Variants in ACTA2 observed in about 807,000 individuals in gnomAD.
The protein encoded by ACTA2 is actin, aortic smooth muscle.
Under a neutral mutation model 39.5 loss-of-function variants are expected in ACTA2, and 12 were observed. The ratio of observed to expected loss-of-function variants is 0.30; its 90% CI spans 0.19 to 0.49. The LOEUF (loss-of-function observed/expected upper bound fraction) is 0.49. ACTA2 is among the 20% of genes least tolerant of loss of function. The pLI is 0.99. For synonymous variants in ACTA2, 158 were observed against 180.6 expected (o/e 0.88, Z 1.00); for missense variants, 236 against 498.8 (o/e 0.47, Z 5.02).
chr10:88,966,213 G>A (rs1214874995), intron 1 of ACTA2, among the ~76,000 whole-genome samples: 2 of 152,188 alleles, frequency 1.3e-5, no homozygotes, highest in Non-Finnish European at 2.9e-5. Flanking sequence ...CAAAAATACA[G>A]AAGAATAGTA....
intron 1 of ACTA2, chr10:88,973,205 A>G: frequency 1.2e-6 from 2 of 1,612,404 alleles, no homozygotes; most frequent in Non-Finnish European, 1.7e-6. Context: ...TTTCTGGGAT[A>G]ATTTCTGGCA....
In ACTA2 at chr10:88,943,923, AC is replaced by A. The variant is rs757055278; in HGVS notation, c.259-17del. The A allele has an allele frequency of 1.9e-5, 31 of 1,608,096 alleles. 1 individual carries two copies. The Admixed American group carries it at 5.0e-4, about 26-fold the overall frequency. ...GGTGCCAGATCTAGTGAGTTGGGGG[AC>A]AGAGGAGAAACACAATGATGTGCTG... On this transcript the variant is annotated splice_polypyrimidine_tract_variant and intron_variant, in intron 3 of 8. Coordinates refer to ENST00000224784, the MANE Select transcript of ACTA2 (RefSeq NM_001613.4).
chr10:88,938,263 A>G, intron 7 of ACTA2, 21 bp from the exon 8 acceptor site: 2 of 1,613,872 alleles, frequency 1.2e-6, no homozygotes, highest in Non-Finnish European at 1.7e-6. Context: ...GACACAGGCC[A>G]TGGTCCTTAA....
At chr10:88,947,861 T>C (rs925324489) in intron 2 of ACTA2, among the ~76,000 whole-genome samples, 2 of 152,234 alleles carry the variant, frequency 1.3e-5, no homozygotes, top group African/African-American at 4.8e-5. Flanking sequence ...TTTCTAACTA[T>C]TATAAGCAAA....
chr10:88,972,197 A>C (rs1469280760), intron 1 of ACTA2, among the ~76,000 whole-genome samples: 1 of 152,132 alleles, frequency 6.6e-6, no homozygotes, highest in African/African-American at 2.4e-5. Context: ...ATGAGCCACC[A>C]CGCCCAGCCA....
intron 1 of ACTA2, among the ~76,000 whole-genome samples, chr10:88,979,867 ACATGTGTAAAG>A (rs1198193293): frequency 6.6e-6 from 1 of 152,226 alleles, no homozygotes; most frequent in Non-Finnish European, 1.5e-5. Context: ...ACCTCCTCAC[ACATGTGTAAAG>A]CACCTACAAA....
At chr10:88,942,698 C>A (rs538827852) in intron 4 of ACTA2, among the ~76,000 whole-genome samples, 5 of 152,118 alleles carry the variant, frequency 3.3e-5, no homozygotes, top group Non-Finnish European at 7.4e-5. Context: ...ACTCTATTAA[C>A]CAGAATGTCT....
chr10:88,939,083 A>T (rs1042781444), intron 7 of ACTA2, among the ~76,000 whole-genome samples: 1 of 152,174 alleles, frequency 6.6e-6, no homozygotes, highest in African/African-American at 2.4e-5. Flanking sequence ...CCCCTCTCAG[A>T]GCCTGCCTCT....
rs1845850160 is a variant in ACTA2, at chr10:88,941,434, T to C, written c.455-44A>G. On this transcript the variant is annotated intron_variant, in intron 5 of 8. Coordinates refer to ENST00000224784, the MANE Select transcript of ACTA2 (RefSeq NM_001613.4). ...TGATAAGTCACCATGGCAGCTGGCA[T>C]GTGGTTACTTGCTGGACAAGTAGAG... 3 of 1,612,552 alleles carry C rather than the reference T, an allele frequency of 1.9e-6. No homozygotes were observed. In the Middle Eastern group the frequency reaches 5.0e-4, roughly 267 times the overall value.
chr10:88,979,272 A>T (rs1846651355), intron 1 of ACTA2, among the ~76,000 whole-genome samples: 1 of 152,070 alleles, frequency 6.6e-6, no homozygotes, highest in African/African-American at 2.4e-5. Flanking sequence ...AGCAGAAAAA[A>T]AAAAATGAGG....
Position 88,935,383 on chromosome 10 carries a change from A to G in ACTA2, c.991-17T>C, listed in dbSNP as rs750349531. 1 of 1,613,412 alleles carries G rather than the reference A, an allele frequency of 6.2e-7. No individual in the cohort carries two copies. Among genetic ancestry groups the G allele is most frequent in the South Asian group, 1.1e-5 (1 of 91,080 alleles). On this transcript the variant is annotated splice_polypyrimidine_tract_variant and intron_variant, in intron 8 of 8. Transcript: ENST00000224784. Reference sequence around the variant, plus strand: ...GGCAATGATCTGTCAGTCAAGATGAAAAAGAATGGTCATTAATGTCATCAT... The same window carrying G: ...GGCAATGATCTGTCAGTCAAGATGAGAAAGAATGGTCATTAATGTCATCAT...
rs568058522 is a variant in ACTA2, at chr10:88,967,533, A to G, written c.-23-18580T>C. On this transcript the variant is annotated intron_variant, in intron 1 of 4. Transcript: ENST00000415557. ...TTCCTCAGCACTAACCCATGCTTAC[A>G]TGCATTTTATGACAATCCACGTTAC... is the stretch of plus-strand genomic sequence containing the variant. Among the ~76,000 whole-genome samples, 7 of 152,346 alleles carry G rather than the reference A, an allele frequency of 4.6e-5. No homozygotes were observed. The South Asian group carries it at 1.0e-3, about 23-fold the overall frequency.
Position 88,948,701 on chromosome 10 carries a change from C to T in ACTA2, c.129+101G>A, listed in dbSNP as rs562329227. 598 of 1,538,816 alleles carry T rather than the reference C, an allele frequency of 3.9e-4. 1 individual carries two copies. The highest frequency in any genetic ancestry group is 1.9e-3 in the Middle Eastern group (10 of 5,366). ...TAGAGGTCTATTTGTAACAAGGTTA[C>T]ATAACTTCTGGGCAGAAAGAGATAG... On this transcript the variant is annotated intron_variant, in intron 2 of 8. Coordinates refer to ENST00000224784, the MANE Select transcript of ACTA2 (RefSeq NM_001613.4).
At position 88,962,256 on chromosome 10, in the gene ACTA2, A is replaced by T. The variant is rs552122553; in HGVS notation, c.-23-13303T>A. 8.3e-4 allele frequency among the ~76,000 whole-genome samples: 126 copies of T among 152,330 alleles called. 2 individuals are homozygous for T. In the Middle Eastern group the frequency reaches 0.024, roughly 29 times the overall value. ...ATGATGGCAATTAACTAACATTTTT[A>T]AAAAAGGACAACAGGCTAAATCAAT... On this transcript the variant is annotated intron_variant, in intron 1 of 4. Transcript: ENST00000415557.
At chr10:88,970,537 G>A (rs1055192991) in intron 1 of ACTA2, among the ~76,000 whole-genome samples, 1 of 152,180 alleles carries the variant, frequency 6.6e-6, no homozygotes, top group African/African-American at 2.4e-5. Context: ...TAGGAGGTAG[G>A]AAGAAGGACA....
At chr10:88,949,015 C>G in intron 1 of ACTA2, 62 bp from the exon 2 acceptor site, 1 of 1,573,140 alleles carries the variant, frequency 6.4e-7, no homozygotes, top group African/African-American at 1.3e-5. Context: ...ACTTACCTGA[C>G]AACTCCCACC....
Position 88,939,678 on chromosome 10 carries a change from C to T in ACTA2, c.637G>A (p.Asp213Asn). 1 of 1,613,992 alleles carries T rather than the reference C, an allele frequency of 6.2e-7. No individual in the cohort carries two copies. Among genetic ancestry groups the T allele is most frequent in the South Asian group, 1.1e-5 (1 of 91,072 alleles). Residue 213 changes from aspartate to asparagine, a missense_variant, in exon 7 of 9, where the codon GAC becomes AAC. Transcript: ENST00000224784. ...ACATAACACAGTTTCTCCTTGATGT[C>T]CCGGACAATCTCACGCTCAGCTGTC... is the stretch of plus-strand genomic sequence containing the variant. ...VTTAEREIVR[D>N]IKEKLCYVAL...
At chr10:88,980,024 A>C (rs1444988369) in intron 1 of ACTA2, among the ~76,000 whole-genome samples, 1 of 152,272 alleles carries the variant, frequency 6.6e-6, no homozygotes, top group Non-Finnish European at 1.5e-5. Flanking sequence ...TAGTTTCAGA[A>C]GATGGCCAGC....
chr10:88,953,788 T>C (rs1846089725), upstream of ACTA2, among the ~76,000 whole-genome samples: 1 of 152,202 alleles, frequency 6.6e-6, no homozygotes, highest in Non-Finnish European at 1.5e-5. Context: ...CTGATGGTTT[T>C]ATAAGGCAGT....
Sources: gnomAD v4.1 joint callset for allele counts (sites outside exome capture counted in the v4.1 genomes callset) on GRCh38, gnomAD v4.1.1 for gene constraint, MANE v1.5 for transcripts, NCBI Gene and HGNC (gene_info 2026-07-23, HGNC 2026-07-21) for gene names.